AMD1: variants seen among roughly 807,000 people sequenced by gnomAD.
The protein encoded by AMD1 is S-adenosylmethionine decarboxylase proenzyme.
In AMD1, 11 loss-of-function variants were observed where a neutral mutation model predicts 40.2. The ratio of observed to expected loss-of-function variants is 0.27; its 90% CI spans 0.17 to 0.45. AMD1 has a LOEUF of 0.45. Ranked by LOEUF, AMD1 falls within the 20% of genes least tolerant of loss-of-function variation. The probability of loss-of-function intolerance (pLI) is 1.00; values close to 1 mark genes in which losing one functional copy is unlikely to be tolerated. For synonymous variants in AMD1, 121 were observed against 130.8 expected, an observed-to-expected ratio of 0.93 and a Z score of 0.51; for missense variants, 257 against 410.2, an observed-to-expected ratio of 0.63 and a Z score of 3.23.
intron 1 of AMD1, among the ~76,000 whole-genome samples, chr6:110,882,625 A>G (rs1056923497): frequency 1.3e-5 from 2 of 151,874 alleles, no homozygotes; most frequent in Non-Finnish European, 2.9e-5. Flanking sequence ...CCTCTGATTT[A>G]TTTTTCTTGA....
At chr6:110,834,846 G>A in the AMD1 span, among the ~76,000 whole-genome samples, 1 of 151,196 alleles carries the variant, frequency 6.6e-6, no homozygotes, top group Admixed American at 6.6e-5. Context: ...CTACTTGGGA[G>A]GCTGAGGCAG....
chr6:110,862,424 T>C, the AMD1 span, among the ~76,000 whole-genome samples: 5,219 of 150,922 alleles, frequency 0.035, 118 homozygotes, highest in Middle Eastern at 0.065. Flanking sequence ...TTCTACTTCC[T>C]GCATTATTTC....
At chr6:110,852,694 T>C in the AMD1 span, among the ~76,000 whole-genome samples, 2 of 152,224 alleles carry the variant, frequency 1.3e-5, no homozygotes, top group Non-Finnish European at 2.9e-5. Flanking sequence ...ATTGCTGTCT[T>C]TGGTCTCCAT....
In AMD1 at chr6:110,894,881, C is replaced by A. The variant is rs1583226265; in HGVS notation, c.*1265C>A. The A allele has an allele frequency of 6.6e-6, 1 of 152,104 alleles. No individual in the cohort carries two copies. Among genetic ancestry groups the A allele is most frequent in the Non-Finnish European group, 1.5e-5 (1 of 68,016 alleles). 9.4% of individuals were successfully genotyped at this position (152,104 alleles called of 1,614,324 possible). A position where few individuals can be genotyped will look rare whatever the true frequency, so the allele number is the denominator to read the frequency against. ...GGCATTCATAGGATGAAATGAATGA[C>A]TGCCCAGAATGAGAATTTGTCCAGA... On this transcript the variant is annotated 3_prime_UTR_variant, in exon 9 of 9. Transcript: ENST00000368885.
chr6:110,820,240 C>CTTTTT, the AMD1 span, among the ~76,000 whole-genome samples: 20,408 of 141,454 alleles, frequency 0.14, 1,642 homozygotes, highest in South Asian at 0.29. Flanking sequence ...TTCTTTCTTT[C>CTTTTT]TTTTTTTTTT....
the AMD1 span, among the ~76,000 whole-genome samples, chr6:110,835,021 A>ATTT: frequency 7.6e-5 from 10 of 131,736 alleles, no homozygotes; most frequent in South Asian, 4.9e-4. Context: ...TGCGGATACT[A>ATTT]TTTTTTTTTT....
intron 1 of AMD1, among the ~76,000 whole-genome samples, chr6:110,876,476 G>C (rs952123894): frequency 6.6e-6 from 1 of 152,202 alleles, no homozygotes; most frequent in African/African-American, 2.4e-5. Flanking sequence ...TTGACAAAAA[G>C]CAACTGGAAA....
At chr6:110,860,131 A>T in the AMD1 span, among the ~76,000 whole-genome samples, 1 of 151,972 alleles carries the variant, frequency 6.6e-6, no homozygotes, top group East Asian at 1.9e-4. Context: ...CCAGCCCCTC[A>T]GTAGGTTTTA....
the AMD1 span, among the ~76,000 whole-genome samples, chr6:110,854,931 C>T: frequency 2.0e-5 from 3 of 152,014 alleles, no homozygotes; most frequent in African/African-American, 7.3e-5. Context: ...TTGAAAACTA[C>T]AATTGTGGAT....
intron 4 of AMD1, chr6:110,891,459 C>T (rs1176898951): frequency 1.3e-5 from 2 of 152,200 alleles, no homozygotes; most frequent in African/African-American, 2.4e-5. Flanking sequence ...GAATGAAATT[C>T]GTAAGGGTTT....
chr6:110,835,283 G>T, the AMD1 span, among the ~76,000 whole-genome samples: 1 of 151,880 alleles, frequency 6.6e-6, no homozygotes, highest in Non-Finnish European at 1.5e-5. Context: ...CTCCCAAAGT[G>T]CTGGGATTAC....
At chr6:110,892,582 G>A (rs111272213) in intron 6 of AMD1, 139 bp downstream of exon 6, 62,724 of 1,409,274 alleles carry the variant, frequency 0.045, 1,641 homozygotes, top group Middle Eastern at 0.073. Context: ...GGGGTTTGTC[G>A]TACACAGTAT....
At chr6:110,823,556 C>T in the AMD1 span, among the ~76,000 whole-genome samples, 3 of 152,118 alleles carry the variant, frequency 2.0e-5, no homozygotes, top group Non-Finnish European at 4.4e-5. Flanking sequence ...AGTAGCAGTC[C>T]TATACAGCAA....
the AMD1 span, among the ~76,000 whole-genome samples, chr6:110,861,448 C>G: frequency 1.3e-5 from 2 of 150,886 alleles, no homozygotes; most frequent in African/African-American, 4.9e-5. Flanking sequence ...CACTTGAACC[C>G]AGGAGGCAGA....
the AMD1 span, among the ~76,000 whole-genome samples, chr6:110,860,524 C>T: frequency 6.5e-4 from 98 of 151,802 alleles, no homozygotes; most frequent in Non-Finnish European, 2.2e-4. Context: ...ACATACTGGG[C>T]AAGGTGACTC....
chr6:110,829,369 C>CA, the AMD1 span, among the ~76,000 whole-genome samples: 1,473 of 132,308 alleles, frequency 0.011, 3 homozygotes, highest in Non-Finnish European at 0.016. Flanking sequence ...CTATCTCTAC[C>CA]AAAAAAAAAA....
At chr6:110,830,970 G>A in the AMD1 span, among the ~76,000 whole-genome samples, 2 of 152,140 alleles carry the variant, frequency 1.3e-5, no homozygotes, top group Non-Finnish European at 1.5e-5. Context: ...TGCCCAGGCT[G>A]AGGATTCTTT....
upstream of AMD1, among the ~76,000 whole-genome samples, chr6:110,871,553 A>G (rs1784918554): frequency 6.6e-6 from 1 of 152,182 alleles, no homozygotes; most frequent in Non-Finnish European, 1.5e-5. Flanking sequence ...CAACTGCTGT[A>G]TAACGAGGTG....
At chr6:110,827,593 C>T in the AMD1 span, among the ~76,000 whole-genome samples, 31 of 151,924 alleles carry the variant, frequency 2.0e-4, no homozygotes, top group Non-Finnish European at 3.1e-4. Context: ...GGTGAAACCC[C>T]GTCTCTACTA....
Sources: gnomAD v4.1 joint callset for allele counts (sites outside exome capture counted in the v4.1 genomes callset) on GRCh38, gnomAD v4.1.1 for gene constraint, MANE v1.5 for transcripts, NCBI Gene and HGNC (gene_info 2026-07-23, HGNC 2026-07-21) for gene names.